The following DCUN1D4 variants were observed in gnomAD, a reference collection of about 807,000 sequenced individuals.
DCUN1D4 encodes DCN1-like protein 4.
DCUN1D4 carries 22 observed loss-of-function variants against 47.9 expected under a neutral mutation model. The ratio of observed to expected loss-of-function variants is 0.46; its 90% CI spans 0.33 to 0.66. The LOEUF (loss-of-function observed/expected upper bound fraction) is 0.66. DCUN1D4 is among the 30% of genes least tolerant of loss of function. The pLI is 0.02. For missense variants in DCUN1D4, 301 were observed against 340.8 expected (o/e 0.88, Z 0.92); for synonymous variants, 121 against 112.2 (o/e 1.08, Z -0.50).
At chr4:51,851,642 G>A (rs1723382019) in intron 1 of DCUN1D4, among the ~76,000 whole-genome samples, 2 of 152,096 alleles carry the variant, frequency 1.3e-5, no homozygotes, top group Admixed American at 6.6e-5. Context: ...CTGAGAGAAG[G>A]AAAGAGAAGT....
chr4:51,867,715 C>G (rs1726185451), intron 3 of DCUN1D4, among the ~76,000 whole-genome samples: 1 of 152,146 alleles, frequency 6.6e-6, no homozygotes, highest in South Asian at 2.1e-4. Context: ...CCATGGGCAG[C>G]CATGAGCTGG....
chr4:51,862,467 C>A (rs1262842651), intron 1 of DCUN1D4, among the ~76,000 whole-genome samples: 1 of 152,156 alleles, frequency 6.6e-6, no homozygotes, highest in African/African-American at 2.4e-5. Flanking sequence ...GGATCTGATA[C>A]GTGTCCTAAA....
intron 8 of DCUN1D4, among the ~76,000 whole-genome samples, chr4:51,904,326 A>T (rs1249967340): frequency 6.6e-6 from 1 of 151,970 alleles, no homozygotes; most frequent in Non-Finnish European, 1.5e-5. Context: ...CCCTGAATAA[A>T]CCCTGGGGAC....
intron 1 of DCUN1D4, among the ~76,000 whole-genome samples, chr4:51,855,297 G>A (rs1030881893): frequency 2.6e-5 from 4 of 152,150 alleles, no homozygotes; most frequent in Admixed American, 2.6e-4. Flanking sequence ...TTTATTATTA[G>A]ATTGTGGTGA....
chr4:51,836,101 A>G, the DCUN1D4 span, among the ~76,000 whole-genome samples: 1 of 152,166 alleles, frequency 6.6e-6, no homozygotes, highest in African/African-American at 2.4e-5. Context: ...CTAATCTCTC[A>G]CTAACAAAAT....
At chr4:51,834,468 AC>A in the DCUN1D4 span, among the ~76,000 whole-genome samples, 1 of 151,748 alleles carries the variant, frequency 6.6e-6, no homozygotes, top group South Asian at 2.1e-4. Context: ...GCTTTTACAC[AC>A]CCGACTGGCC....
At chr4:51,900,280 C>G (rs1194511332) in intron 8 of DCUN1D4, among the ~76,000 whole-genome samples, 1 of 151,954 alleles carries the variant, frequency 6.6e-6, no homozygotes, top group African/African-American at 2.4e-5. Context: ...ATGCATCTTG[C>G]AATAACGTTC....
At position 51,872,305 on chromosome 4, in the gene DCUN1D4, G is replaced by A. The variant is rs529962613; in HGVS notation, c.137-1966G>A. Among the ~76,000 whole-genome samples the A allele has an allele frequency of 2.6e-5, 4 of 152,314 alleles. No homozygotes were observed. In the East Asian group the frequency reaches 7.7e-4, roughly 29 times the overall value. ...TCAGCTCTGATCATTGCTCTTAGCAGGGTTGTGAATGTTGGCTATTGACAG... is the reference window on the plus strand; with the variant it reads ...TCAGCTCTGATCATTGCTCTTAGCAAGGTTGTGAATGTTGGCTATTGACAG... On this transcript the variant is annotated intron_variant, in intron 3 of 10. Coordinates refer to ENST00000334635, the MANE Select transcript of DCUN1D4 (RefSeq NM_001040402.3).
At chr4:51,876,178 C>A (rs1727637103) in intron 4 of DCUN1D4, among the ~76,000 whole-genome samples, 1 of 152,108 alleles carries the variant, frequency 6.6e-6, no homozygotes, top group Non-Finnish European at 1.5e-5. Flanking sequence ...AAATGTCCAA[C>A]AATGATAGAC....
chr4:51,835,469 T>C, the DCUN1D4 span, among the ~76,000 whole-genome samples: 1 of 152,232 alleles, frequency 6.6e-6, no homozygotes, highest in African/African-American at 2.4e-5. Context: ...TTGAAATGTT[T>C]CTCAAAGCTA....
At chr4:51,862,669 T>G (rs1671846226) in intron 1 of DCUN1D4, among the ~76,000 whole-genome samples, 1 of 152,150 alleles carries the variant, frequency 6.6e-6, no homozygotes, top group African/African-American at 2.4e-5. Context: ...ATTAATAAAC[T>G]TTCAGCTTAC....
Position 51,915,244 on chromosome 4 carries a change from G to T in DCUN1D4, c.*1660G>T, listed in dbSNP as rs780692864. The T allele has an allele frequency of 2.0e-5, 3 of 152,502 alleles. No individual in the cohort carries two copies. The highest frequency in any genetic ancestry group is 2.9e-5 in the Non-Finnish European group (2 of 68,000). The allele number at this position is 152,502 out of a possible 1,614,324, so 9.4% of individuals were successfully genotyped here. On this transcript the variant is annotated 3_prime_UTR_variant, in exon 11 of 11. Coordinates refer to ENST00000334635, the MANE Select transcript of DCUN1D4 (RefSeq NM_001040402.3). ...AAGAAATTTTGTATGTATATACAGT[G>T]TGTGTGTATACAAAATCATGATATA...
intron 5 of DCUN1D4, among the ~76,000 whole-genome samples, chr4:51,883,629 A>G (rs1056811029): frequency 1.3e-5 from 2 of 152,232 alleles, no homozygotes; most frequent in African/African-American, 4.8e-5. Context: ...TAAATATTGG[A>G]AAGGAGGAGA....
At chr4:51,839,295 A>G (rs1327524054), upstream of DCUN1D4, among the ~76,000 whole-genome samples, 2 of 152,140 alleles carry the variant, frequency 1.3e-5, no homozygotes, top group Non-Finnish European at 2.9e-5. Context: ...AATATTAAAA[A>G]CATGGAGTCT....
chr4:51,845,563 G>C (rs1364479660), intron 1 of DCUN1D4, among the ~76,000 whole-genome samples: 2 of 152,080 alleles, frequency 1.3e-5, no homozygotes, highest in Non-Finnish European at 2.9e-5. Flanking sequence ...CTCCCTAAAC[G>C]TCACATCCTT....
the DCUN1D4 span, among the ~76,000 whole-genome samples, chr4:51,835,026 G>C: frequency 2.0e-5 from 3 of 152,194 alleles, no homozygotes; most frequent in African/African-American, 7.2e-5. Flanking sequence ...GAATACAGGA[G>C]ATTTGCCTTG....
intron 1 of DCUN1D4, among the ~76,000 whole-genome samples, chr4:51,856,033 A>C (rs1875920): frequency 1.3e-5 from 2 of 152,224 alleles, no homozygotes; most frequent in Non-Finnish European, 2.9e-5. Context: ...GCATTCCCTG[A>C]TGAATCCCAG....
At chr4:51,881,787 G>A (rs966400548) in intron 5 of DCUN1D4, among the ~76,000 whole-genome samples, 3 of 151,910 alleles carry the variant, frequency 2.0e-5, no homozygotes, top group Non-Finnish European at 4.4e-5. Context: ...TAATTCTACA[G>A]GTAAATTTAG....
At chr4:51,854,483 A>G (rs1723833682) in intron 1 of DCUN1D4, among the ~76,000 whole-genome samples, 1 of 152,246 alleles carries the variant, frequency 6.6e-6, no homozygotes, top group South Asian at 2.1e-4. Context: ...CCTCCAGGAT[A>G]CTAAGCAAAA....
Sources: gnomAD v4.1 joint callset for allele counts (sites outside exome capture counted in the v4.1 genomes callset) on GRCh38, gnomAD v4.1.1 for gene constraint, MANE v1.5 for transcripts, NCBI Gene and HGNC (gene_info 2026-07-23, HGNC 2026-07-21) for gene names.